Variants in EDNRA observed in about 807,000 individuals in gnomAD.
EDNRA encodes endothelin-1 receptor.
A neutral mutation model predicts 41.4 loss-of-function variants in EDNRA; 11 were observed. The ratio of observed to expected loss-of-function variants is 0.27; its 90% CI spans 0.17 to 0.44. The LOEUF is 0.44. Ranked by LOEUF, EDNRA falls within the 20% of genes least tolerant of loss-of-function variation. The pLI, the probability that EDNRA is intolerant of heterozygous loss-of-function variation, is 1.00. For synonymous variants in EDNRA, 172 were observed against 183.0 expected, an observed-to-expected ratio of 0.94 and a Z score of 0.49; for missense variants, 294 against 531.0, an observed-to-expected ratio of 0.55 and a Z score of 4.39.
chr4:147,490,221 A>T (rs888022519), intron 2 of EDNRA: 1 of 152,208 alleles, frequency 6.6e-6, no homozygotes, highest in Non-Finnish European at 1.5e-5. Context: ...CAATCTAAGA[A>T]AGTAAAATGC....
Position 147,519,332 on chromosome 4 carries a change from T to C in EDNRA, c.421-519T>C, listed in dbSNP as rs1477391128. ...CTTTCATTCTTAATTTCAGAGACAATATAATCTGCCAATTCCAGTAGTTGA... is the reference window on the plus strand; with the variant it reads ...CTTTCATTCTTAATTTCAGAGACAACATAATCTGCCAATTCCAGTAGTTGA... On this transcript the variant is annotated intron_variant, in intron 2 of 7. Coordinates refer to ENST00000651419, the MANE Select transcript of EDNRA (RefSeq NM_001957.4). This position sits in a 1 kb window ranked among gnomAD's most constrained non-coding sequence, Gnocchi z 4.1. Among the ~76,000 whole-genome samples the C allele has an allele frequency of 1.3e-5, 2 of 152,132 alleles. No homozygotes were observed. The highest frequency in any genetic ancestry group is 2.9e-5 in the Non-Finnish European group (2 of 68,006).
chr4:147,525,468 A>C (rs1279427708), intron 3 of EDNRA, among the ~76,000 whole-genome samples: 1 of 152,210 alleles, frequency 6.6e-6, no homozygotes, highest in Non-Finnish European at 1.5e-5. Context: ...CTAAGGCAGT[A>C]TACTTCTATA....
At chr4:147,528,323 T>C (rs1293582812) in intron 3 of EDNRA, among the ~76,000 whole-genome samples, 1 of 151,952 alleles carries the variant, frequency 6.6e-6, no homozygotes, top group East Asian at 1.9e-4. Flanking sequence ...ATGAAGCTTA[T>C]ATGCTTTTTT....
intron 2 of EDNRA, among the ~76,000 whole-genome samples, chr4:147,516,203 C>T (rs1170193702): frequency 6.6e-6 from 1 of 152,194 alleles, no homozygotes; most frequent in African/African-American, 2.4e-5. Context: ...GGATGTGCCT[C>T]ACCTCCAAGG....
At position 147,522,753 on chromosome 4, in the gene EDNRA, C is replaced by T. The variant is rs535990916; in HGVS notation, c.548+2775C>T. Among the ~76,000 whole-genome samples the T allele has an allele frequency of 5.0e-4, 76 of 152,262 alleles. 1 individual carries two copies. Among genetic ancestry groups the T allele is most frequent in the Non-Finnish European group, 8.8e-4 (60 of 68,002 alleles). ...ACCATTGTTGATGAAGAAAGCCAAACTCTGAATAATAGTTGAAGAGATGTA... is the reference window on the plus strand; with the variant it reads ...ACCATTGTTGATGAAGAAAGCCAAATTCTGAATAATAGTTGAAGAGATGTA... On this transcript the variant is annotated intron_variant, in intron 3 of 7. Coordinates refer to ENST00000651419, the MANE Select transcript of EDNRA (RefSeq NM_001957.4).
chr4:147,499,973 C>T (rs577915976), intron 2 of EDNRA, among the ~76,000 whole-genome samples: 106 of 151,728 alleles, frequency 7.0e-4, no homozygotes, highest in African/African-American at 2.5e-3. Context: ...CCCAGCTAAT[C>T]TTTGTATTTT....
At chr4:147,524,985 A>G (rs1730482727) in intron 3 of EDNRA, among the ~76,000 whole-genome samples, 2 of 152,348 alleles carry the variant, frequency 1.3e-5, no homozygotes, top group South Asian at 4.1e-4. Flanking sequence ...GCAGTTTGTG[A>G]ATCCCTGCTT....
At chr4:147,500,988 C>G (rs1040769493) in intron 2 of EDNRA, among the ~76,000 whole-genome samples, 4 of 152,078 alleles carry the variant, frequency 2.6e-5, no homozygotes, top group African/African-American at 9.7e-5. Context: ...TCCAAACAGG[C>G]TGGTGTAAGA....
intron 7 of EDNRA, among the ~76,000 whole-genome samples, chr4:147,541,641 C>T (rs917880032): frequency 1.3e-5 from 2 of 152,112 alleles, no homozygotes; most frequent in African/African-American, 4.8e-5. Flanking sequence ...AACACAGTAA[C>T]GACCTGCATG....
At chr4:147,505,435 G>C (rs1277082903) in intron 2 of EDNRA, among the ~76,000 whole-genome samples, 1 of 144,192 alleles carries the variant, frequency 6.9e-6, no homozygotes, top group South Asian at 2.2e-4. Context: ...CGCCTCCCAG[G>C]TTCAAGCAAG....
intron 2 of EDNRA, among the ~76,000 whole-genome samples, chr4:147,514,676 G>A (rs959287096): frequency 2.6e-5 from 4 of 152,034 alleles, no homozygotes; most frequent in South Asian, 2.1e-4. Context: ...GTTTCACCAC[G>A]TTGGCCAGGC....
intron 3 of EDNRA, among the ~76,000 whole-genome samples, chr4:147,524,897 C>CAA (rs142853552): frequency 1.6e-4 from 24 of 148,612 alleles, no homozygotes; most frequent in Non-Finnish European, 2.4e-4. Flanking sequence ...TCTACTACTA[C>CAA]AAAAAAAAAT....
intron 1 of EDNRA, among the ~76,000 whole-genome samples, chr4:147,483,053 T>TA (rs1037786371): frequency 4.2e-4 from 64 of 152,236 alleles, no homozygotes; most frequent in African/African-American, 1.5e-3. Flanking sequence ...CTCCCCCCTG[T>TA]ATCTGTGATC....
rs1295339014 is a variant in EDNRA at position 147,481,098 on chromosome 4, G to C, written c.-349G>C. On this transcript the variant is annotated 5_prime_UTR_variant, in exon 1 of 8. Coordinates refer to ENST00000651419, the MANE Select transcript of EDNRA (RefSeq NM_001957.4). ...GTGCGAGCCCTCGCGCGCGCGTACA[G>C]TCATCCCGCTGGTCTGACGATTGTG... 6.6e-6 allele frequency: 1 copy of C among 152,408 alleles called. No individual in the cohort carries two copies. The highest frequency in any genetic ancestry group is 2.4e-5 in the African/African-American group (1 of 41,482). The allele number at this position is 152,408 out of a possible 1,614,324, so 9.4% of individuals were successfully genotyped here. A position where few individuals can be genotyped will look rare whatever the true frequency, so the allele number is the denominator to read the frequency against.
chr4:147,500,442 G>A (rs1363797210), intron 2 of EDNRA, among the ~76,000 whole-genome samples: 1 of 152,152 alleles, frequency 6.6e-6, no homozygotes, highest in Non-Finnish European at 1.5e-5. Context: ...TAGCAGTCAG[G>A]TGCGGTGATT....
intron 1 of EDNRA, among the ~76,000 whole-genome samples, chr4:147,485,166 G>C (rs10305863): frequency 0.054 from 8,223 of 152,248 alleles, 279 homozygotes; most frequent in South Asian, 0.14. Context: ...TGAATGTAGA[G>C]AAAGAAGTAA....
At chr4:147,513,940 T>C (rs1004176532) in intron 2 of EDNRA, among the ~76,000 whole-genome samples, 4 of 152,168 alleles carry the variant, frequency 2.6e-5, no homozygotes, top group Admixed American at 2.0e-4. Context: ...GTACAAGTAA[T>C]AGGATTAAGT....
At chr4:147,496,630 G>C (rs565870047) in intron 2 of EDNRA, among the ~76,000 whole-genome samples, 1 of 152,270 alleles carries the variant, frequency 6.6e-6, no homozygotes, top group South Asian at 2.1e-4. Context: ...ACTTCTAACA[G>C]CATGAATTTG....
Position 147,486,241 on chromosome 4 carries a change from A to G in EDNRA, c.420+140A>G. 1.1e-6 allele frequency: 1 copy of G among 928,944 alleles called. No homozygotes were observed. Among genetic ancestry groups the G allele is most frequent in the Non-Finnish European group, 1.6e-6 (1 of 639,072 alleles). 57.5% of individuals were successfully genotyped at this position (928,944 alleles called of 1,614,324 possible). Reference sequence around the variant, plus strand: ...CTATTTCTGCTGTCTTCTAACTACTAGTTTTAAGATTTACAAATTTTATTA... The same window carrying G: ...CTATTTCTGCTGTCTTCTAACTACTGGTTTTAAGATTTACAAATTTTATTA... On this transcript the variant is annotated intron_variant, in intron 2 of 7. Coordinates refer to ENST00000651419, the MANE Select transcript of EDNRA (RefSeq NM_001957.4). This position sits in a 1 kb window ranked among gnomAD's most constrained non-coding sequence, Gnocchi z 4.3.
Sources: gnomAD v4.1 joint callset for allele counts (sites outside exome capture counted in the v4.1 genomes callset) on GRCh38, gnomAD v4.1.1 for gene constraint, Gnocchi (gnomAD v3.1) non-coding constraint, MANE v1.5 for transcripts, NCBI Gene and HGNC (gene_info 2026-07-23, HGNC 2026-07-21) for gene names.